Variants in LIG1 observed in about 807,000 individuals in gnomAD.
LIG1 encodes ligase I, DNA, ATP-dependent.
Under a neutral mutation model 115.7 loss-of-function variants are expected in LIG1, and 70 were observed. The ratio of observed to expected loss-of-function variants is 0.60; its 90% CI spans 0.50 to 0.74. The LOEUF is 0.74. Among genes scored for constraint, LIG1 ranks in the 30% least tolerant of loss-of-function variants. The pLI is 0.00. For missense variants in LIG1, 1,115 were observed against 1,225.6 expected (o/e 0.91, Z 1.35); for synonymous variants, 487 against 495.3 (o/e 0.98, Z 0.22).
chr19:48,132,202 C>T (rs1343496953), intron 18 of LIG1, among the ~76,000 whole-genome samples: 1 of 152,124 alleles, frequency 6.6e-6, no homozygotes, highest in Non-Finnish European at 1.5e-5. Context: ...CTGTGGCTCC[C>T]ACCCACTTTG....
chr19:48,135,598 A>G (rs2034328249), intron 16 of LIG1, 82 bp downstream of exon 16: 4 of 1,069,462 alleles, frequency 3.7e-6, no homozygotes, highest in Non-Finnish European at 5.8e-6. Flanking sequence ...CACTGGCCCC[A>G]CCCACTGCTC....
At chr19:48,131,545 A>C (rs1599768856) in intron 18 of LIG1, among the ~76,000 whole-genome samples, 1 of 151,876 alleles carries the variant, frequency 6.6e-6, no homozygotes, top group South Asian at 2.1e-4. Context: ...TGCAACCTCC[A>C]CCTCCCGGGT....
intron 5 of LIG1, among the ~76,000 whole-genome samples, chr19:48,156,415 G>A (rs553803214): frequency 4.6e-5 from 7 of 152,290 alleles, no homozygotes; most frequent in African/African-American, 1.7e-4. Flanking sequence ...ACTGAGGGCT[G>A]GGCCCAGTTC....
At position 48,133,267 on chromosome 19, in the gene LIG1, C is replaced by T. The variant is rs2034162074; in HGVS notation, c.1610-170G>A. ...CCTAGCCTCCCACTGGGGACTACAG[C>T]CCCCGGCCTTCCTTCCAGGTGGGAA... On this transcript the variant is annotated intron_variant, in intron 17 of 27. Transcript: ENST00000263274. 6.5e-6 allele frequency: 4 copies of T among 616,148 alleles called. No individual in the cohort carries two copies. In the Admixed American group the frequency reaches 7.9e-5, roughly 12 times the overall value. The allele number at this position is 616,148 out of a possible 1,614,324, so 38.2% of individuals were successfully genotyped here.
chr19:48,142,757 C>T (rs1266125885), intron 11 of LIG1, among the ~76,000 whole-genome samples: 1 of 152,080 alleles, frequency 6.6e-6, no homozygotes, highest in African/African-American at 2.4e-5. Flanking sequence ...GATTCTCGTA[C>T]CTCAGCCTCC....
In LIG1 at chr19:48,122,492, T is replaced by C; in HGVS notation, c.2232+442A>G. On this transcript the variant is annotated intron_variant, in intron 23 of 27. Coordinates refer to ENST00000263274, the MANE Select transcript of LIG1 (RefSeq NM_000234.3). The surrounding 1 kb of genome is among the most constrained non-coding windows in gnomAD (Gnocchi z 4.3). ...CTGCACCGGGGGTTTTCCTCCCTAG[T>C]GCTCTGTCCCTCACTTTGGGAAAGA... is the stretch of plus-strand genomic sequence containing the variant. 3.4e-6 allele frequency: 1 copy of C among 295,054 alleles called. No individual in the cohort carries two copies. Among genetic ancestry groups the C allele is most frequent in the South Asian group, 3.3e-5 (1 of 29,966 alleles). The allele number at this position is 295,054 out of a possible 1,614,324, so 18.3% of individuals were successfully genotyped here. A position where few individuals can be genotyped will look rare whatever the true frequency, so the allele number is the denominator to read the frequency against.
At chr19:48,123,547 G>A (rs1192184570) in intron 21 of LIG1, 3 of 586,838 alleles carry the variant, frequency 5.1e-6, no homozygotes, top group Non-Finnish European at 9.1e-6. Flanking sequence ...GACTTCAGGA[G>A]CATCAGACGG....
intron 24 of LIG1, chr19:48,120,408 T>C: frequency 1.0e-6 from 1 of 985,110 alleles, no homozygotes; most frequent in Non-Finnish European, 1.2e-6. Flanking sequence ...AATAAAACAT[T>C]CCCTCAAATG....
intron 11 of LIG1, among the ~76,000 whole-genome samples, chr19:48,142,514 C>T (rs2034840041): frequency 6.7e-6 from 1 of 150,252 alleles, no homozygotes; most frequent in Middle Eastern, 3.2e-3. Flanking sequence ...TGAGAAATGG[C>T]ATGTGCCATG....
chr19:48,132,645 G>A lies in LIG1; in HGVS notation c.1725+337C>T, dbSNP rs193186969. Among the ~76,000 whole-genome samples the A allele has an allele frequency of 7.2e-4, 110 of 151,938 alleles. No homozygotes were observed. In the East Asian group the frequency reaches 0.021, roughly 29 times the overall value. Reference sequence around the variant, plus strand: ...TCTCTACTAAAAATACAAAAAATTAGCCGGGCACGGTAGCGGGCGCCTGTA... The same window carrying A: ...TCTCTACTAAAAATACAAAAAATTAACCGGGCACGGTAGCGGGCGCCTGTA... On this transcript the variant is annotated intron_variant, in intron 18 of 27. Transcript: ENST00000263274.
Position 48,127,432 on chromosome 19 carries a change from G to C in LIG1, c.1933-84C>G. ...TGAGGCCGACAGCATTCATCTACCG[G>C]TCTCCCTCTCGCCCCACCTAACTGG... On this transcript the variant is annotated intron_variant, in intron 20 of 27. Coordinates refer to ENST00000263274, the MANE Select transcript of LIG1 (RefSeq NM_000234.3). The C allele has an allele frequency of 2.4e-6, 3 of 1,233,908 alleles. No individual in the cohort carries two copies. In the South Asian group the frequency reaches 3.6e-5, roughly 15 times the overall value. 76.4% of individuals were successfully genotyped at this position (1,233,908 alleles called of 1,614,324 possible).
chr19:48,137,845 G>A lies in LIG1; in HGVS notation c.1088-157C>T, dbSNP rs1162190872. 1.1e-6 allele frequency: 1 copy of A among 951,490 alleles called. No individual in the cohort carries two copies. The allele number at this position is 951,490 out of a possible 1,614,324, so 58.9% of individuals were successfully genotyped here. Reference sequence around the variant, plus strand: ...AACGCTCACCCACTTGGTAGAAATGGCTTGGGGAACGTGCCCCCAGCCACG... The same window carrying A: ...AACGCTCACCCACTTGGTAGAAATGACTTGGGGAACGTGCCCCCAGCCACG... On this transcript the variant is annotated intron_variant, in intron 12 of 27. Coordinates refer to ENST00000263274, the MANE Select transcript of LIG1 (RefSeq NM_000234.3). This position sits in a 1 kb window ranked among gnomAD's most constrained non-coding sequence, Gnocchi z 4.3.
At position 48,124,983 on chromosome 19, in the gene LIG1, C is replaced by G. The variant is rs534094821; in HGVS notation, c.2005-1665G>C. 2.0e-5 allele frequency among the ~76,000 whole-genome samples: 3 copies of G among 150,834 alleles called. No homozygotes were observed. The South Asian group carries it at 6.3e-4, about 32-fold the overall frequency. ...TGAGCCAAGATCACACCACTGCACT[C>G]CAGCCTGGGCGACAGAGACTGTGTC... On this transcript the variant is annotated intron_variant, in intron 21 of 27. Coordinates refer to ENST00000263274, the MANE Select transcript of LIG1 (RefSeq NM_000234.3).
chr19:48,145,499 G>C (rs553804695), intron 9 of LIG1, among the ~76,000 whole-genome samples: 16 of 152,314 alleles, frequency 1.1e-4, no homozygotes, highest in Admixed American at 2.0e-4. Context: ...CAAGGGTTGG[G>C]GGGGAGAAAG....
intron 2 of LIG1, among the ~76,000 whole-genome samples, chr19:48,163,944 C>CA (rs36027045): frequency 0.019 from 1,585 of 82,992 alleles, 47 homozygotes; most frequent in African/African-American, 0.057. Flanking sequence ...GACTCTGTCT[C>CA]AAAAAAAAAA....
intron 1 of LIG1, chr19:48,169,918 C>CG (rs1365433898): frequency 6.6e-6 from 1 of 151,902 alleles, no homozygotes; most frequent in East Asian, 2.1e-4. Context: ...TTTTCCCCCC[C>CG]CCGGCCCCGC....
intron 18 of LIG1, among the ~76,000 whole-genome samples, chr19:48,132,412 G>T (rs1256280318): frequency 6.6e-6 from 1 of 152,020 alleles, no homozygotes; most frequent in East Asian, 1.9e-4. Flanking sequence ...CAGCATCAGC[G>T]GAGCCCACGT....
intron 25 of LIG1, chr19:48,118,028 G>C: frequency 1.8e-6 from 1 of 569,604 alleles, no homozygotes. Context: ...AGTTGAGAAA[G>C]GTGGGAGTTG....
intron 18 of LIG1, among the ~76,000 whole-genome samples, chr19:48,131,875 CT>C (rs1332398361): frequency 6.7e-6 from 1 of 149,610 alleles, no homozygotes; most frequent in Non-Finnish European, 1.5e-5. Context: ...CATCTTGTGT[CT>C]TTTTTCTCAA....
Sources: allele counts gnomAD v4.1 joint callset (sites outside exome capture counted in the v4.1 genomes callset), GRCh38; gene constraint gnomAD v4.1.1; non-coding constraint Gnocchi (gnomAD v3.1); transcripts MANE v1.5; gene names NCBI Gene and HGNC (gene_info 2026-07-23, HGNC 2026-07-21).